Variants in PDE7A observed in about 807,000 individuals in gnomAD.
PDE7A encodes high affinity 3',5'-cyclic-AMP phosphodiesterase 7A.
Under a neutral mutation model 64.3 loss-of-function variants are expected in PDE7A, and 39 were observed. The observed-to-expected ratio is 0.61, with a 90% CI of 0.47 to 0.79. The LOEUF is 0.79. Among genes scored for constraint, PDE7A ranks in the 30% least tolerant of loss-of-function variants. The pLI is 0.00. For synonymous variants in PDE7A, 203 were observed against 206.8 expected, an observed-to-expected ratio of 0.98 and a Z score of 0.16; for missense variants, 470 against 582.8, an observed-to-expected ratio of 0.81 and a Z score of 1.99.
intron 1 of PDE7A, among the ~76,000 whole-genome samples, chr8:65,806,302 A>G (rs1422574886): frequency 1.3e-5 from 2 of 152,204 alleles, no homozygotes; most frequent in East Asian, 3.8e-4. Context: ...AAAAGTACAT[A>G]TTCACTTTGT....
rs1563528329 is a variant in PDE7A at position 65,841,811 on chromosome 8, C to T, written c.-303G>A. On this transcript the variant is annotated 5_prime_UTR_variant, in exon 1 of 13. Coordinates refer to ENST00000401827, the MANE Select transcript of PDE7A (RefSeq NM_001242318.3). ...ACAGGCAAAGTCGGAAAGGGAACCC[C>T]GCCGCCCTGGGGCTCCTCGGCCGAG... The T allele has an allele frequency of 6.5e-6, 1 of 154,788 alleles. No individual in the cohort carries two copies. The highest frequency in any genetic ancestry group is 1.4e-5 in the Non-Finnish European group (1 of 70,198). 9.6% of individuals were successfully genotyped at this position (154,788 alleles called of 1,614,324 possible).
Position 65,769,547 on chromosome 8 carries a change from T to G in PDE7A, c.283+10173A>C, listed in dbSNP as rs549583018. ...AAATGTCTTCCCAAAGCTTGAACTC[T>G]CTCGGCTCTTTATAAATAACTACAG... On this transcript the variant is annotated intron_variant, in intron 3 of 12. Coordinates refer to ENST00000401827, the MANE Select transcript of PDE7A (RefSeq NM_001242318.3). 3.9e-5 allele frequency among the ~76,000 whole-genome samples: 6 copies of G among 152,330 alleles called. No homozygotes were observed. In the South Asian group the frequency reaches 1.2e-3, roughly 32 times the overall value.
Position 65,714,413 on chromosome 8 carries a change from G to GTC in PDE7A, c.*4876_*4877insGA, listed in dbSNP as rs1282945101. 1 of 152,018 alleles carries GTC rather than the reference G, an allele frequency of 6.6e-6. No individual in the cohort carries two copies. The highest frequency in any genetic ancestry group is 1.5e-5 in the Non-Finnish European group (1 of 68,030). The allele number at this position is 152,018 out of a possible 1,614,324, so 9.4% of individuals were successfully genotyped here. On this transcript the variant is annotated 3_prime_UTR_variant, in exon 13 of 13. Transcript: ENST00000401827. The stretch of plus-strand genomic sequence containing the variant: ...GAGCACAGGAACCAGGAAGATGGAG[G>GTC]AGACCTGCTGGGTGCTCTCCATCAG...
chr8:65,730,406 C>T (rs1806831970), intron 7 of PDE7A, among the ~76,000 whole-genome samples: 1 of 151,502 alleles, frequency 6.6e-6, no homozygotes. Flanking sequence ...TCTCGAACTC[C>T]CAACCTCAGG....
chr8:65,777,844 T>G (rs962405282), intron 3 of PDE7A, among the ~76,000 whole-genome samples: 1 of 152,192 alleles, frequency 6.6e-6, no homozygotes, highest in Non-Finnish European at 1.5e-5. Flanking sequence ...GATTTTGGTT[T>G]TCATAGTTAT....
At chr8:65,834,656 C>T (rs951529209) in intron 1 of PDE7A, among the ~76,000 whole-genome samples, 24 of 152,202 alleles carry the variant, frequency 1.6e-4, no homozygotes, top group South Asian at 2.1e-4. Flanking sequence ...AACTAATTTT[C>T]TCCCCCAAAT....
chr8:65,731,983 ATTATTGTTG>A (rs927545799), intron 7 of PDE7A, among the ~76,000 whole-genome samples: 1 of 143,132 alleles, frequency 7.0e-6, no homozygotes, highest in African/African-American at 2.5e-5. Flanking sequence ...TATTATTATT[ATTATTGTTG>A]TTGTTGTTGT....
chr8:65,771,041 T>C, intron 3 of PDE7A: 1 of 385,024 alleles, frequency 2.6e-6, no homozygotes, highest in Non-Finnish European at 5.1e-6. Context: ...ATAAGGACTA[T>C]GACAAAAACA....
intron 1 of PDE7A, among the ~76,000 whole-genome samples, chr8:65,786,976 C>G (rs1809574884): frequency 6.6e-6 from 1 of 152,200 alleles, no homozygotes; most frequent in Non-Finnish European, 1.5e-5. Flanking sequence ...TAGGGTGAAT[C>G]ATTCTTCCAC....
intron 3 of PDE7A, among the ~76,000 whole-genome samples, chr8:65,777,070 T>C (rs1373458442): frequency 6.7e-6 from 1 of 148,260 alleles, no homozygotes; most frequent in Non-Finnish European, 1.5e-5. Flanking sequence ...CTCAATTTTA[T>C]CAAATGCTTT....
chr8:65,730,935 G>A (rs1451217059), intron 7 of PDE7A, among the ~76,000 whole-genome samples: 9 of 151,978 alleles, frequency 5.9e-5, no homozygotes, highest in African/African-American at 2.2e-4. Flanking sequence ...AAACAAAACA[G>A]AACAAAATAA....
chr8:65,747,603 C>G, intron 4 of PDE7A, 49 bp downstream of exon 4: 1 of 1,241,660 alleles, frequency 8.1e-7, no homozygotes, highest in Middle Eastern at 2.0e-4. Flanking sequence ...TAAAGGCCTT[C>G]AGTAAACTTA....
At chr8:65,739,216 C>T (rs181844241) in intron 6 of PDE7A, among the ~76,000 whole-genome samples, 3 of 152,296 alleles carry the variant, frequency 2.0e-5, no homozygotes, top group East Asian at 3.9e-4. Flanking sequence ...TATGTAGAGC[C>T]GAGATGGGTC....
intron 1 of PDE7A, among the ~76,000 whole-genome samples, chr8:65,825,904 T>C (rs1484334208): frequency 3.9e-5 from 6 of 152,102 alleles, no homozygotes; most frequent in Middle Eastern, 6.8e-3. Flanking sequence ...CAAATCAAAT[T>C]AGTGAGGTGT....
intron 1 of PDE7A, among the ~76,000 whole-genome samples, chr8:65,829,167 C>T (rs561177383): frequency 2.6e-5 from 4 of 152,116 alleles, no homozygotes; most frequent in African/African-American, 9.6e-5. Flanking sequence ...AGAGTGAGCT[C>T]GCTGTATGTT....
At chr8:65,728,954 T>TCACA (rs1454468806) in intron 7 of PDE7A, among the ~76,000 whole-genome samples, 1 of 151,938 alleles carries the variant, frequency 6.6e-6, no homozygotes, top group Non-Finnish European at 1.5e-5. Flanking sequence ...TAAAAACAAA[T>TCACA]CACACATGCA....
chr8:65,816,412 C>T (rs933210373), intron 1 of PDE7A, among the ~76,000 whole-genome samples: 21 of 152,166 alleles, frequency 1.4e-4, no homozygotes, highest in Non-Finnish European at 2.8e-4. Context: ...TTATAGTCTT[C>T]TATATTAACC....
intron 4 of PDE7A, 58 bp downstream of exon 4, chr8:65,747,594 A>G (rs1290160100): frequency 1.9e-6 from 2 of 1,047,032 alleles, no homozygotes; most frequent in East Asian, 5.0e-5. Flanking sequence ...TATGGGGAAT[A>G]AAGGCCTTCA....
chr8:65,841,978 C>CGCCGCCGCT lies in PDE7A; in HGVS notation c.-471_-470insAGCGGCGGC. On this transcript the variant is annotated 5_prime_UTR_variant, in exon 1 of 13. Coordinates refer to ENST00000401827, the MANE Select transcript of PDE7A (RefSeq NM_001242318.3). ...GACCAGCTCGGGCCGCCGCCGCCGC[C>CGCCGCCGCT]GCCGCCGCCGCCGCCGGAGTCCTGC... 1 of 258,884 alleles carries CGCCGCCGCT rather than the reference C, an allele frequency of 3.9e-6. No individual in the cohort carries two copies. Among genetic ancestry groups the CGCCGCCGCT allele is most frequent in the Non-Finnish European group, 7.4e-6 (1 of 135,930 alleles). 16.0% of individuals were successfully genotyped at this position (258,884 alleles called of 1,614,324 possible).
Sources: allele counts gnomAD v4.1 joint callset (sites outside exome capture counted in the v4.1 genomes callset), GRCh38; gene constraint gnomAD v4.1.1; transcripts MANE v1.5; gene names NCBI Gene and HGNC (gene_info 2026-07-23, HGNC 2026-07-21).